TAF2: variants seen among roughly 807,000 people sequenced by gnomAD.
The protein encoded by TAF2 is transcription initiation factor TFIID subunit 2.
In TAF2, 61 loss-of-function variants were observed where a neutral mutation model predicts 138.5. The ratio of observed to expected loss-of-function variants is 0.44; its 90% CI spans 0.36 to 0.54. The LOEUF is 0.54. Among genes scored for constraint, TAF2 ranks in the 20% least tolerant of loss-of-function variants. The pLI, the probability that TAF2 is intolerant of heterozygous loss-of-function variation, is 0.00. For missense variants in TAF2, 1,090 were observed against 1,427.9 expected (o/e 0.76, Z 3.81); for synonymous variants, 475 against 469.9 (o/e 1.01, Z -0.14).
At chr8:119,769,594 C>A (rs1821681061) in intron 18 of TAF2, among the ~76,000 whole-genome samples, 1 of 151,758 alleles carries the variant, frequency 6.6e-6, no homozygotes. Context: ...AGATGAAAGA[C>A]CAGATAGATG....
intron 11 of TAF2, among the ~76,000 whole-genome samples, chr8:119,790,411 G>A (rs1361167637): frequency 6.6e-6 from 1 of 151,942 alleles, no homozygotes; most frequent in East Asian, 1.9e-4. Flanking sequence ...CTGCACTCCA[G>A]CCTGGGTGAC....
chr8:119,797,624 T>C (rs1308459612), intron 7 of TAF2, 38 bp downstream of exon 7: 1 of 1,588,086 alleles, frequency 6.3e-7, no homozygotes, highest in African/African-American at 1.3e-5. Context: ...CATATCATGA[T>C]CTTAATTTAG....
In TAF2 at chr8:119,832,747, C is replaced by T; in HGVS notation, c.-183G>A. 2 of 519,832 alleles carry T rather than the reference C, an allele frequency of 3.8e-6. No individual in the cohort carries two copies. The highest frequency in any genetic ancestry group is 6.0e-5 in the South Asian group (2 of 33,564). The allele number at this position is 519,832 out of a possible 1,614,324, so 32.2% of individuals were successfully genotyped here. The stretch of plus-strand genomic sequence containing the variant: ...CTCAACCTCGCTCCTTCGACTAGCT[C>T]CTAGAAGCCGCCGTCGACAAGCTTC... On this transcript the variant is annotated 5_prime_UTR_variant, in exon 1 of 26. Transcript: ENST00000378164.
chr8:119,732,132 A>G lies in TAF2; in HGVS notation c.3392T>C (p.Leu1131Pro), dbSNP rs758990593. 1 of 1,614,128 alleles carries G rather than the reference A, an allele frequency of 6.2e-7. No individual in the cohort carries two copies. Among genetic ancestry groups the G allele is most frequent in the Non-Finnish European group, 8.5e-7 (1 of 1,180,018 alleles). The change falls in exon 26 of 26, where the codon CTC becomes CCC. Residue 1131 changes from leucine (L) to proline (P), a missense_variant. Leu to Pro is a moderately conservative substitution (Grantham distance 98, BLOSUM62 -3). Coordinates refer to ENST00000378164, the MANE Select transcript of TAF2 (RefSeq NM_003184.4). ...MSMHPAASAP[L>P]SVFTKESTAS... ...TGTAGATTCCTTAGTAAAGACTGAGAGTGGAGCGCTTGCCGCTGGATGCAT... is the reference window on the plus strand; with the variant it reads ...TGTAGATTCCTTAGTAAAGACTGAGGGTGGAGCGCTTGCCGCTGGATGCAT...
At chr8:119,745,855 A>C (rs1819930138) in intron 23 of TAF2, among the ~76,000 whole-genome samples, 1 of 150,954 alleles carries the variant, frequency 6.6e-6, no homozygotes. Flanking sequence ...AAATGTTTTA[A>C]AATGTAACAC....
chr8:119,783,687 A>G, intron 15 of TAF2, 54 bp from the exon 16 acceptor site: 1 of 1,531,334 alleles, frequency 6.5e-7, no homozygotes, highest in Non-Finnish European at 8.8e-7. Flanking sequence ...TATCATCTAT[A>G]TATTTAGAAA....
At chr8:119,733,225 C>T (rs1818999984) in intron 25 of TAF2, among the ~76,000 whole-genome samples, 1 of 152,120 alleles carries the variant, frequency 6.6e-6, no homozygotes, top group South Asian at 2.1e-4. Context: ...AATGGTATCT[C>T]AGTGAAAATC....
At chr8:119,763,744 T>A (rs140258931) in intron 18 of TAF2, among the ~76,000 whole-genome samples, 21 of 151,638 alleles carry the variant, frequency 1.4e-4, no homozygotes, top group African/African-American at 5.1e-4. Context: ...GAGCCGAGAC[T>A]GCACCACTGT....
intron 16 of TAF2, 117 bp from the exon 17 acceptor site, chr8:119,781,310 C>T: frequency 1.8e-6 from 2 of 1,138,848 alleles, no homozygotes; most frequent in Non-Finnish European, 2.5e-6. Flanking sequence ...AACAACTTCA[C>T]TTCTCAGAAA....
In TAF2 at chr8:119,746,902, C is replaced by T. The variant is rs1266082077; in HGVS notation, c.2911G>A (p.Ala971Thr). The T allele has an allele frequency of 1.2e-6, 2 of 1,614,012 alleles. No individual in the cohort carries two copies. The highest frequency in any genetic ancestry group is 2.2e-5 in the East Asian group (1 of 44,886). The change falls in exon 23 of 26, where the codon GCT (alanine) becomes ACT (threonine). Residue 971 changes from alanine (A) to threonine (T), a missense_variant. Transcript: ENST00000378164. ...AAAAGTGTGAAGTACAAGTCCACAG[C>T]ACCACACCGTAACCTCCAGTCATGT... Reference protein sequence around the residue: ...TSHDWRLRCGAVDLYFTLFGL... With the variant: ...TSHDWRLRCGTVDLYFTLFGL...
At chr8:119,819,263 T>A in intron 3 of TAF2, 83 bp downstream of exon 3, 1 of 1,410,352 alleles carries the variant, frequency 7.1e-7, no homozygotes, top group Admixed American at 1.8e-5. Context: ...AAAAAAAAAA[T>A]ACTTTGAGAA....
intron 25 of TAF2, among the ~76,000 whole-genome samples, chr8:119,734,098 C>G (rs1819059171): frequency 1.3e-5 from 2 of 152,028 alleles, no homozygotes; most frequent in African/African-American, 2.4e-5. Flanking sequence ...CCCTATACCC[C>G]CAACAACGAA....
chr8:119,825,433 G>A (rs746050737), intron 2 of TAF2, among the ~76,000 whole-genome samples: 2 of 152,172 alleles, frequency 1.3e-5, no homozygotes, highest in Non-Finnish European at 2.9e-5. Flanking sequence ...GTGGACTTTT[G>A]AGTTAATGCT....
At position 119,762,483 on chromosome 8, in the gene TAF2, A is replaced by T; in HGVS notation, c.2490T>A (p.Leu830=). ...DNLNPDVRLI[L]EEITRFLNME... Reference sequence around the variant, plus strand: ...TATTCAAAAATCTGGTGATTTCTTCAAGAATGAGTCGCACATCAGGATTTA... The same window carrying T: ...TATTCAAAAATCTGGTGATTTCTTCTAGAATGAGTCGCACATCAGGATTTA... Residue 830 remains leucine (L), a synonymous_variant, in exon 19 of 26, where the codon CTT becomes CTA. Coordinates refer to ENST00000378164, the MANE Select transcript of TAF2 (RefSeq NM_003184.4). 6.2e-7 allele frequency: 1 copy of T among 1,614,048 alleles called. No individual in the cohort carries two copies. The highest frequency in any genetic ancestry group is 8.5e-7 in the Non-Finnish European group (1 of 1,179,950).
At chr8:119,814,726 T>TA (rs1204543533) in intron 3 of TAF2, among the ~76,000 whole-genome samples, 2 of 93,564 alleles carry the variant, frequency 2.1e-5, no homozygotes, top group African/African-American at 9.6e-5. Context: ...ACCCTGTCTC[T>TA]ACCAAAAATA....
chr8:119,780,246 A>C (rs1337124612), intron 17 of TAF2, among the ~76,000 whole-genome samples: 4 of 152,158 alleles, frequency 2.6e-5, no homozygotes, highest in Non-Finnish European at 5.9e-5. Flanking sequence ...TAAAACAATG[A>C]CTCTAACCAC....
chr8:119,769,904 C>T (rs951502279), intron 18 of TAF2, among the ~76,000 whole-genome samples: 2 of 151,752 alleles, frequency 1.3e-5, no homozygotes, highest in Non-Finnish European at 2.9e-5. Flanking sequence ...ACTACAGGCA[C>T]GTGCCACCAT....
intron 2 of TAF2, among the ~76,000 whole-genome samples, chr8:119,825,385 G>C (rs775933737): frequency 2.6e-5 from 4 of 152,178 alleles, no homozygotes; most frequent in African/African-American, 7.2e-5. Context: ...GCTCATAGGC[G>C]GAAGGGACTT....
chr8:119,765,852 AC>A (rs1334455265), intron 18 of TAF2, among the ~76,000 whole-genome samples: 2 of 152,220 alleles, frequency 1.3e-5, no homozygotes, highest in Non-Finnish European at 2.9e-5. Context: ...TGTAATCTCC[AC>A]AAAAACCCTA....
Sources: gnomAD v4.1 joint callset for allele counts (sites outside exome capture counted in the v4.1 genomes callset) on GRCh38, gnomAD v4.1.1 for gene constraint, MANE v1.5 for transcripts, NCBI Gene and HGNC (gene_info 2026-07-23, HGNC 2026-07-21) for gene names.